The following LINGO2 variants were observed in gnomAD, a reference collection of about 807,000 sequenced individuals.
The protein encoded by LINGO2 is leucine-rich repeat and immunoglobulin-like domain-containing nogo receptor-interacting protein 2.
In LINGO2, 14 loss-of-function variants were observed where a neutral mutation model predicts 30.6. That is an observed-to-expected ratio of 0.46 (90% CI 0.30 to 0.72). The LOEUF (loss-of-function observed/expected upper bound fraction) is 0.72, where lower values mean the gene tolerates loss of function less well. LINGO2 is among the 30% of genes least tolerant of loss of function. The pLI, the probability that LINGO2 is intolerant of heterozygous loss-of-function variation, is 0.07. For missense variants in LINGO2, 729 were observed against 751.7 expected, an observed-to-expected ratio of 0.97 and a Z score of 0.35; for synonymous variants, 317 against 288.5, an observed-to-expected ratio of 1.10 and a Z score of -1.00.
chr9:28,761,913 G>C, the LINGO2 span, among the ~76,000 whole-genome samples: 2 of 151,938 alleles, frequency 1.3e-5, no homozygotes, highest in Non-Finnish European at 2.9e-5. Flanking sequence ...GCTATATAAA[G>C]GGTGAGGTTT....
the LINGO2 span, among the ~76,000 whole-genome samples, chr9:29,058,607 C>T: frequency 6.6e-6 from 1 of 151,472 alleles, no homozygotes; most frequent in Admixed American, 6.6e-5. Context: ...TCAAGAAGCT[C>T]ATTAAGTCAC....
intron 1 of LINGO2, among the ~76,000 whole-genome samples, chr9:28,553,711 T>C (rs567245316): frequency 8.6e-5 from 13 of 151,464 alleles, no homozygotes; most frequent in African/African-American, 2.9e-4. Context: ...TTCACCAAAG[T>C]TGAAATGAAG....
intron 1 of LINGO2, among the ~76,000 whole-genome samples, chr9:28,614,323 T>C (rs1192678809): frequency 2.0e-5 from 3 of 152,154 alleles, no homozygotes; most frequent in Non-Finnish European, 4.4e-5. Flanking sequence ...TATGTATATA[T>C]AAATCAATAG....
the LINGO2 span, among the ~76,000 whole-genome samples, chr9:28,838,326 A>G: frequency 5.3e-5 from 8 of 152,334 alleles, no homozygotes; most frequent in East Asian, 1.4e-3. Context: ...TAGAAAGTAA[A>G]TAAGTATAGT....
chr9:28,872,534 T>G, the LINGO2 span, among the ~76,000 whole-genome samples: 2 of 152,180 alleles, frequency 1.3e-5, no homozygotes, highest in Admixed American at 1.3e-4. Context: ...TGTTACAATT[T>G]CTGAATCAGT....
chr9:29,017,708 G>C, the LINGO2 span, among the ~76,000 whole-genome samples: 1 of 152,168 alleles, frequency 6.6e-6, no homozygotes, highest in Admixed American at 6.6e-5. Flanking sequence ...AGGAAGTCAG[G>C]AGAAGCTCCC....
At chr9:28,939,777 G>C in the LINGO2 span, among the ~76,000 whole-genome samples, 1 of 152,130 alleles carries the variant, frequency 6.6e-6, no homozygotes, top group African/African-American at 2.4e-5. Flanking sequence ...CATGGGATGA[G>C]TGAATGAATG....
chr9:28,054,681 C>A (rs1349684654), intron 4 of LINGO2, among the ~76,000 whole-genome samples: 1 of 151,942 alleles, frequency 6.6e-6, no homozygotes, highest in Non-Finnish European at 1.5e-5. Flanking sequence ...AGTTGCCTCC[C>A]CTAATTCACA....
the LINGO2 span, among the ~76,000 whole-genome samples, chr9:29,187,780 A>ATTTTTTTT: frequency 5.9e-5 from 7 of 118,848 alleles, no homozygotes; most frequent in Non-Finnish European, 8.6e-5. Context: ...ATACATTTCA[A>ATTTTTTTT]TTTTTTTTTT....
chr9:28,843,144 T>C, the LINGO2 span, among the ~76,000 whole-genome samples: 2 of 151,868 alleles, frequency 1.3e-5, no homozygotes, highest in East Asian at 1.9e-4. Flanking sequence ...AATTAAAATA[T>C]ATGCAATAAC....
chr9:28,881,632 T>C, the LINGO2 span, among the ~76,000 whole-genome samples: 1 of 151,894 alleles, frequency 6.6e-6, no homozygotes, highest in Non-Finnish European at 1.5e-5. Flanking sequence ...TATGGTTTCA[T>C]TGTTTTTTTC....
the LINGO2 span, among the ~76,000 whole-genome samples, chr9:28,857,731 T>C: frequency 1.3e-5 from 2 of 152,056 alleles, no homozygotes; most frequent in South Asian, 4.1e-4. Context: ...AAGTGTAAAA[T>C]ATGTATAAAA....
chr9:28,618,549 T>C (rs779011804), intron 1 of LINGO2, among the ~76,000 whole-genome samples: 1 of 152,158 alleles, frequency 6.6e-6, no homozygotes, highest in Non-Finnish European at 1.5e-5. Flanking sequence ...TGATTCTTCA[T>C]CATAAATTAA....
the LINGO2 span, among the ~76,000 whole-genome samples, chr9:29,158,299 C>T: frequency 1.6e-4 from 24 of 151,800 alleles, no homozygotes; most frequent in African/African-American, 5.3e-4. Flanking sequence ...AAGGCTACAG[C>T]GAGCTGAGAT....
At chr9:28,719,832 T>G in the LINGO2 span, among the ~76,000 whole-genome samples, 146 of 152,184 alleles carry the variant, frequency 9.6e-4, no homozygotes, top group African/African-American at 3.2e-3. Context: ...TAAAATGAAC[T>G]GCCATTTCCT....
chr9:28,819,022 T>C, the LINGO2 span, among the ~76,000 whole-genome samples: 1 of 152,162 alleles, frequency 6.6e-6, no homozygotes, highest in Admixed American at 6.5e-5. Flanking sequence ...TTTTTCTACC[T>C]GAGGAAGGTT....
chr9:28,265,222 C>T (rs1290080766), intron 4 of LINGO2, among the ~76,000 whole-genome samples: 1 of 151,634 alleles, frequency 6.6e-6, no homozygotes, highest in Non-Finnish European at 1.5e-5. Context: ...GTTTTGTTTC[C>T]CTGGACAACC....
the LINGO2 span, among the ~76,000 whole-genome samples, chr9:28,870,387 T>C: frequency 6.6e-6 from 1 of 152,066 alleles, no homozygotes; most frequent in Non-Finnish European, 1.5e-5. Context: ...ATGTACTTCT[T>C]GCATTTCTCC....
intron 4 of LINGO2, among the ~76,000 whole-genome samples, chr9:28,243,042 C>T (rs1264973774): frequency 6.6e-6 from 1 of 152,140 alleles, no homozygotes; most frequent in Non-Finnish European, 1.5e-5. Flanking sequence ...ACACCATTGA[C>T]ATCATGAAGA....
Sources: gnomAD v4.1 joint callset for allele counts (sites outside exome capture counted in the v4.1 genomes callset) on GRCh38, gnomAD v4.1.1 for gene constraint, MANE v1.5 for transcripts, NCBI Gene and HGNC (gene_info 2026-07-23, HGNC 2026-07-21) for gene names.